TAF3: variants seen among roughly 807,000 people sequenced by gnomAD.
The protein encoded by TAF3 is transcription initiation factor TFIID subunit 3.
Under a neutral mutation model 80.6 loss-of-function variants are expected in TAF3, and 7 were observed. The observed-to-expected ratio is 0.09, with a 90% CI of 0.05 to 0.16. The LOEUF is 0.16. TAF3 is among the 10% of genes least tolerant of loss of function. The pLI, the probability that TAF3 is intolerant of heterozygous loss-of-function variation, is 1.00. For synonymous variants in TAF3, 444 were observed against 446.1 expected (o/e 1.00, Z 0.06); for missense variants, 921 against 1,140.2 (o/e 0.81, Z 2.77).
At position 7,942,504 on chromosome 10, in the gene TAF3, C is replaced by G. The variant is rs987485116; in HGVS notation, c.410-21416C>G. Among the ~76,000 whole-genome samples the G allele has an allele frequency of 4.6e-5, 7 of 152,308 alleles. No individual in the cohort carries two copies. In the South Asian group the frequency reaches 8.3e-4, roughly 18 times the overall value. On this transcript the variant is annotated intron_variant, in intron 2 of 6. Coordinates refer to ENST00000344293, the MANE Select transcript of TAF3 (RefSeq NM_031923.4). Reference sequence around the variant, plus strand: ...GTAACAGCAGTGTAACACAGTCTTGCTGATTTACCCATAAAATTATAAGCT... The same window carrying G: ...GTAACAGCAGTGTAACACAGTCTTGGTGATTTACCCATAAAATTATAAGCT...
intron 2 of TAF3, among the ~76,000 whole-genome samples, chr10:7,905,421 G>A (rs529449528): frequency 6.6e-6 from 1 of 152,184 alleles, no homozygotes; most frequent in African/African-American, 2.4e-5. Context: ...TTTCATACAC[G>A]ATGAAAATGT....
rs750731714 is a variant in TAF3, at chr10:8,009,544, G to C, written c.2568+214G>C. ...CAACCTCAAACTCCTGGGCCCAAGC[G>C]ATCCTCCTGCATTAGCTTCTCAAAG... On this transcript the variant is annotated intron_variant, in intron 5 of 6. Transcript: ENST00000344293. This position sits in a 1 kb window ranked among gnomAD's most constrained non-coding sequence, Gnocchi z 4.1. 9.9e-5 allele frequency among the ~76,000 whole-genome samples: 15 copies of C among 152,060 alleles called. No homozygotes were observed. Among genetic ancestry groups the C allele is most frequent in the South Asian group, 2.1e-4 (1 of 4,828 alleles).
chr10:7,986,882 C>G (rs922748845), intron 4 of TAF3, among the ~76,000 whole-genome samples: 1 of 152,180 alleles, frequency 6.6e-6, no homozygotes, highest in African/African-American at 2.4e-5. Context: ...ACTTAAAAGT[C>G]TGATCAGGAC....
At chr10:7,858,317 T>C (rs1448785132) in intron 2 of TAF3, among the ~76,000 whole-genome samples, 1 of 152,192 alleles carries the variant, frequency 6.6e-6, no homozygotes, top group African/African-American at 2.4e-5. Context: ...GCCAGTAATA[T>C]TGTATCATTT....
chr10:7,850,287 T>C (rs1256524865), intron 2 of TAF3, among the ~76,000 whole-genome samples: 2 of 152,248 alleles, frequency 1.3e-5, no homozygotes, highest in Non-Finnish European at 2.9e-5. Context: ...ATTCATTTTA[T>C]ACTGCGACGG....
intron 2 of TAF3, among the ~76,000 whole-genome samples, chr10:7,953,277 GAT>G (rs1838102111): frequency 6.6e-6 from 1 of 152,160 alleles, no homozygotes; most frequent in South Asian, 2.1e-4. Flanking sequence ...ACATTTTAAA[GAT>G]ACTGCCTTTA....
intron 2 of TAF3, among the ~76,000 whole-genome samples, chr10:7,944,993 T>C (rs893732670): frequency 6.6e-6 from 1 of 152,180 alleles, no homozygotes; most frequent in African/African-American, 2.4e-5. Flanking sequence ...TACCTAGAAA[T>C]ATGGGCAGCA....
chr10:7,852,507 A>G (rs1004415464), intron 2 of TAF3, among the ~76,000 whole-genome samples: 11 of 152,094 alleles, frequency 7.2e-5, no homozygotes, highest in African/African-American at 2.7e-4. Flanking sequence ...AATTTTGCTT[A>G]TGGCATCCTA....
chr10:7,957,182 A>G (rs922452223), intron 2 of TAF3, among the ~76,000 whole-genome samples: 4 of 152,192 alleles, frequency 2.6e-5, no homozygotes, highest in African/African-American at 4.8e-5. Context: ...CATGAGCATT[A>G]ATACCTATCC....
At chr10:7,838,905 C>CTTGTTTTTTT (rs1213821376) in intron 2 of TAF3, among the ~76,000 whole-genome samples, 1 of 58,700 alleles carries the variant, frequency 1.7e-5, no homozygotes, top group Admixed American at 1.8e-4. Flanking sequence ...GGAGGCATTG[C>CTTGTTTTTTT]TTGTTTTTTT....
intron 4 of TAF3, among the ~76,000 whole-genome samples, chr10:8,002,596 C>G (rs970385167): frequency 6.6e-6 from 1 of 152,082 alleles, no homozygotes; most frequent in Non-Finnish European, 1.5e-5. Flanking sequence ...TGTTTTTTAG[C>G]CTTAAGAAAT....
chr10:7,876,653 T>G (rs1043649814), intron 2 of TAF3, among the ~76,000 whole-genome samples: 3 of 152,198 alleles, frequency 2.0e-5, no homozygotes, highest in Non-Finnish European at 4.4e-5. Context: ...TTTGTGTGTT[T>G]ACTCAGCTTA....
intron 2 of TAF3, among the ~76,000 whole-genome samples, chr10:7,859,117 C>T (rs1229024048): frequency 1.3e-5 from 2 of 151,940 alleles, no homozygotes. Flanking sequence ...AAAAAATTAG[C>T]TGGGCGTGTG....
At chr10:7,948,671 G>C (rs1045579095) in intron 2 of TAF3, among the ~76,000 whole-genome samples, 1 of 152,168 alleles carries the variant, frequency 6.6e-6, no homozygotes, top group Non-Finnish European at 1.5e-5. Flanking sequence ...CTCCTAAATA[G>C]GAAGATGTTT....
chr10:7,863,658 T>TATATATACACACAC (rs1837174256), intron 2 of TAF3, among the ~76,000 whole-genome samples: 1 of 62,166 alleles, frequency 1.6e-5, no homozygotes. Context: ...CACACACACA[T>TATATATACACACAC]ATATATATAC....
chr10:7,823,634 C>CTTTT (rs71515490), intron 1 of TAF3, among the ~76,000 whole-genome samples: 2 of 135,906 alleles, frequency 1.5e-5, no homozygotes, highest in African/African-American at 5.5e-5. Flanking sequence ...GATGCCATCT[C>CTTTT]TTTTTTTTTT....
intron 2 of TAF3, among the ~76,000 whole-genome samples, chr10:7,865,643 C>A (rs1837206891): frequency 6.6e-6 from 1 of 152,176 alleles, no homozygotes; most frequent in African/African-American, 2.4e-5. Context: ...GTGGATGCAG[C>A]CACGTGCAAA....
At chr10:7,859,663 G>A (rs1424606742) in intron 2 of TAF3, among the ~76,000 whole-genome samples, 1 of 152,190 alleles carries the variant, frequency 6.6e-6, no homozygotes, top group East Asian at 1.9e-4. Flanking sequence ...TGCCCATTGT[G>A]TTGTATTCCA....
chr10:7,847,499 C>T (rs1251133756), intron 2 of TAF3, among the ~76,000 whole-genome samples: 1 of 152,218 alleles, frequency 6.6e-6, no homozygotes, highest in African/African-American at 2.4e-5. Flanking sequence ...GGCTGGAGCG[C>T]AGTGGTGCAG....
Sources: allele counts gnomAD v4.1 joint callset (sites outside exome capture counted in the v4.1 genomes callset), GRCh38; gene constraint gnomAD v4.1.1; non-coding constraint Gnocchi (gnomAD v3.1); transcripts MANE v1.5; gene names NCBI Gene and HGNC (gene_info 2026-07-23, HGNC 2026-07-21).